Variants in SEPTIN2 observed in about 807,000 individuals in gnomAD.
SEPTIN2 encodes the protein septin 2, also known as septin-2.
In SEPTIN2, 34 loss-of-function variants were observed where a neutral mutation model predicts 46.5. The observed-to-expected ratio is 0.73, with a 90% CI of 0.56 to 0.97. The LOEUF is 0.97. Ranked by LOEUF, SEPTIN2 falls within the 50% of genes least tolerant of loss-of-function variation. SEPTIN2 has a pLI of 0.00. For missense variants in SEPTIN2, 347 were observed against 448.4 expected (o/e 0.77, Z 2.04); for synonymous variants, 175 against 153.4 (o/e 1.14, Z -1.04).
rs754208873 is a variant in SEPTIN2 at position 241,343,910 on chromosome 2, G to A, written c.842+13G>A. The A allele has an allele frequency of 1.9e-6, 3 of 1,613,558 alleles. No individual in the cohort carries two copies. Among genetic ancestry groups the A allele is most frequent in the East Asian group, 2.2e-5 (1 of 44,856 alleles). On this transcript the variant is annotated intron_variant, in intron 9 of 12. Coordinates refer to ENST00000391971, the MANE Select transcript of SEPTIN2 (RefSeq NM_004404.5). ...GAACCATGCTCATGTAAGACATTTGGTGTGTTCCTTCTGGCAGAATTTGGC... is the reference window on the plus strand; with the variant it reads ...GAACCATGCTCATGTAAGACATTTGATGTGTTCCTTCTGGCAGAATTTGGC...
intron 6 of SEPTIN2, 68 bp downstream of exon 6, chr2:241,337,584 A>T: frequency 6.3e-7 from 1 of 1,585,080 alleles, no homozygotes; most frequent in Non-Finnish European, 8.6e-7. Context: ...CAAACTGTGT[A>T]TTTTAATATA....
intron 1 of SEPTIN2, among the ~76,000 whole-genome samples, chr2:241,322,417 AAC>A (rs1405589256): frequency 6.6e-6 from 1 of 151,816 alleles, no homozygotes. Context: ...CATCCTGGCT[AAC>A]ACAGTGAAAC....
At chr2:241,342,922 A>T (rs920926016) in intron 7 of SEPTIN2, 70 bp from the exon 8 acceptor site, 18 of 734,694 alleles carry the variant, frequency 2.4e-5, no homozygotes, top group Non-Finnish European at 3.1e-5. Context: ...TTCTTACAAG[A>T]TGAGCTAGAA....
At chr2:241,327,050 C>CAAAAAAA (rs59492636) in intron 3 of SEPTIN2, among the ~76,000 whole-genome samples, 1 of 66,014 alleles carries the variant, frequency 1.5e-5, no homozygotes, top group Admixed American at 2.0e-4. Flanking sequence ...AACCTTGTCT[C>CAAAAAAA]AAAAAAAAAA....
intron 1 of SEPTIN2, chr2:241,320,071 A>G (rs1293033558): frequency 5.8e-6 from 2 of 346,220 alleles, no homozygotes; most frequent in Non-Finnish European, 1.2e-5. Context: ...GGATTTTTGC[A>G]TTTATATTTG....
chr2:241,329,095 TTTG>T (rs200481002), intron 3 of SEPTIN2, among the ~76,000 whole-genome samples: 2,414 of 151,930 alleles, frequency 0.016, 19 homozygotes, highest in Non-Finnish European at 0.022. Flanking sequence ...ATGTAAATCT[TTTG>T]TTGTTGTTGT....
intron 1 of SEPTIN2, among the ~76,000 whole-genome samples, chr2:241,319,816 ACTC>A (rs2076886973): frequency 6.6e-6 from 1 of 151,550 alleles, no homozygotes; most frequent in Admixed American, 6.6e-5. Flanking sequence ...CTGGTCTTGA[ACTC>A]CTGAGCTCAA....
intron 4 of SEPTIN2, chr2:241,335,576 TC>T (rs2079816613): frequency 6.6e-6 from 4 of 605,746 alleles, no homozygotes; most frequent in Non-Finnish European, 1.2e-5. Context: ...GTCAGAAAGT[TC>T]CAGCACAGGA....
chr2:241,322,987 C>A (rs570028992), intron 1 of SEPTIN2, among the ~76,000 whole-genome samples: 1 of 150,946 alleles, frequency 6.6e-6, no homozygotes, highest in South Asian at 2.1e-4. Context: ...GGAATATGTG[C>A]GTACATATAT....
At chr2:241,339,365 T>C in intron 7 of SEPTIN2, among the ~76,000 whole-genome samples, 1 of 147,594 alleles carries the variant, frequency 6.8e-6, no homozygotes, top group Admixed American at 6.9e-5. Flanking sequence ...AGAGCAAGAC[T>C]CCGTCTCAAG....
intron 11 of SEPTIN2, 67 bp from the exon 12 acceptor site, chr2:241,350,006 A>G: frequency 6.7e-7 from 1 of 1,488,366 alleles, no homozygotes; most frequent in South Asian, 1.2e-5. Context: ...GGAATCACAG[A>G]ACACCCAGAA....
chr2:241,345,070 G>A (rs1050282299), intron 9 of SEPTIN2, among the ~76,000 whole-genome samples: 7 of 149,124 alleles, frequency 4.7e-5, no homozygotes, highest in Admixed American at 2.0e-4. Flanking sequence ...CCGGGATTGC[G>A]CCACTGCACT....
intron 2 of SEPTIN2, chr2:241,324,640 C>T: frequency 3.4e-6 from 1 of 290,888 alleles, no homozygotes. Flanking sequence ...CCGCTTTGGC[C>T]CCCCGAAGTG....
rs575652720 is a variant in SEPTIN2, at chr2:241,336,262, T to C, written c.341+164T>C. The C allele has an allele frequency of 1.0e-4, 76 of 753,782 alleles. No homozygotes were observed. The Middle Eastern group carries it at 1.6e-3, about 16-fold the overall frequency. 46.7% of individuals were successfully genotyped at this position (753,782 alleles called of 1,614,324 possible). A position where few individuals can be genotyped will look rare whatever the true frequency, so the allele number is the denominator to read the frequency against. Reference sequence around the variant, plus strand: ...ATGTTGACTTTTTAAATAAGGAATTTTATAGAGAGTAATTTTTTTCTGGTA... The same window carrying C: ...ATGTTGACTTTTTAAATAAGGAATTCTATAGAGAGTAATTTTTTTCTGGTA... On this transcript the variant is annotated intron_variant, in intron 5 of 12. Coordinates refer to ENST00000391971, the MANE Select transcript of SEPTIN2 (RefSeq NM_004404.5).
intron 3 of SEPTIN2, among the ~76,000 whole-genome samples, chr2:241,332,614 A>G (rs554721141): frequency 3.2e-4 from 49 of 152,336 alleles, no homozygotes; most frequent in Non-Finnish European, 4.6e-4. Context: ...AGACCCAGCA[A>G]TACTGCTTGT....
chr2:241,336,140 A>G (rs1448727580), intron 5 of SEPTIN2, 42 bp downstream of exon 5: 3 of 1,586,502 alleles, frequency 1.9e-6, no homozygotes, highest in Non-Finnish European at 2.6e-6. Flanking sequence ...TGTTTACTTA[A>G]TATACTTCAT....
intron 11 of SEPTIN2, among the ~76,000 whole-genome samples, chr2:241,349,772 G>T (rs376382216): frequency 4.6e-5 from 7 of 152,298 alleles, no homozygotes; most frequent in East Asian, 3.9e-4. Context: ...AGTGAGCCGA[G>T]ATTGCGCCAC....
chr2:241,316,641 G>T, intron 1 of SEPTIN2: 1 of 986,300 alleles, frequency 1.0e-6, no homozygotes, highest in South Asian at 1.9e-5. Flanking sequence ...TGGCTTCCGT[G>T]GTCTCAGTGG....
intron 5 of SEPTIN2, 85 bp from the exon 6 acceptor site, chr2:241,337,297 G>T: frequency 8.8e-7 from 1 of 1,138,134 alleles, no homozygotes; most frequent in South Asian, 1.6e-5. Flanking sequence ...TGTATATTTG[G>T]GCGGAGGCAC....
Sources: gnomAD v4.1 joint callset for allele counts (sites outside exome capture counted in the v4.1 genomes callset) on GRCh38, gnomAD v4.1.1 for gene constraint, MANE v1.5 for transcripts, NCBI Gene and HGNC (gene_info 2026-07-23, HGNC 2026-07-21) for gene names.